KCNMA1: variants seen among roughly 807,000 people sequenced by gnomAD.
The protein encoded by KCNMA1 is Calcium-activated potassium channel subunit alpha-1.
Under a neutral mutation model 140.0 loss-of-function variants are expected in KCNMA1, and 29 were observed. The ratio of observed to expected loss-of-function variants is 0.21; its 90% confidence interval spans 0.15 to 0.28. KCNMA1 has a LOEUF of 0.28. Among genes scored for constraint, KCNMA1 ranks in the 10% least tolerant of loss-of-function variants. KCNMA1 has a pLI of 1.00. For synonymous variants in KCNMA1, 612 were observed against 611.9 expected, an observed-to-expected ratio of 1.00 and a Z score of 0.00; for missense variants, 880 against 1,602.2, an observed-to-expected ratio of 0.55 and a Z score of 7.70.
chr10:77,261,708 AG>A (rs1300116787), intron 2 of KCNMA1, among the ~76,000 whole-genome samples: 6 of 152,212 alleles, frequency 3.9e-5, no homozygotes, highest in Admixed American at 1.3e-4. Context: ...AAAACTTAAA[AG>A]GTTGCTTTTT....
At chr10:77,067,875 C>T (rs1333654980) in intron 14 of KCNMA1, among the ~76,000 whole-genome samples, 1 of 152,186 alleles carries the variant, frequency 6.6e-6, no homozygotes, top group East Asian at 1.9e-4. Flanking sequence ...CCTAAGGATG[C>T]TGATGGGATT....
intron 1 of KCNMA1, among the ~76,000 whole-genome samples, chr10:77,593,617 T>C (rs1381882378): frequency 6.6e-6 from 1 of 152,184 alleles, no homozygotes; most frequent in Non-Finnish European, 1.5e-5. Context: ...GTGATCCTCA[T>C]AAGAACCCAG....
chr10:77,433,619 AT>A (rs1391182656), intron 1 of KCNMA1: 4 of 152,230 alleles, frequency 2.6e-5, no homozygotes, highest in Non-Finnish European at 1.5e-5. Flanking sequence ...TAGAATCATA[AT>A]TTCTGTAGAA....
chr10:77,154,231 A>G (rs1384274084), intron 5 of KCNMA1, among the ~76,000 whole-genome samples: 3 of 152,030 alleles, frequency 2.0e-5, no homozygotes, highest in African/African-American at 7.2e-5. Flanking sequence ...AAGTTTCCTG[A>G]GGCCTCCCCA....
intron 2 of KCNMA1, among the ~76,000 whole-genome samples, chr10:77,363,570 T>C (rs1412765755): frequency 6.6e-6 from 1 of 152,250 alleles, no homozygotes; most frequent in East Asian, 1.9e-4. Flanking sequence ...AACACTTCCA[T>C]GGTGCCTATG....
intron 19 of KCNMA1, among the ~76,000 whole-genome samples, chr10:76,990,929 G>A (rs535291130): frequency 6.6e-6 from 1 of 152,282 alleles, no homozygotes; most frequent in Non-Finnish European, 1.5e-5. Flanking sequence ...CAGAATAATG[G>A]CTCCTAATAG....
chr10:77,135,012 A>AAAAAAAAAAAAAAAAAAAAAAAAG, intron 5 of KCNMA1, among the ~76,000 whole-genome samples: 2 of 144,478 alleles, frequency 1.4e-5, no homozygotes, highest in Admixed American at 7.0e-5. Context: ...AAAAAAAAAA[A>AAAAAAAAAAAAAAAAAAAAAAAAG]AAAAAAAAAA....
At chr10:76,924,252 C>T (rs1345725464) in intron 23 of KCNMA1, among the ~76,000 whole-genome samples, 1 of 151,972 alleles carries the variant, frequency 6.6e-6, no homozygotes, top group African/African-American at 2.4e-5. Context: ...AAAAATAATG[C>T]AGAAAAACAT....
At chr10:76,948,783 A>G (rs941451726) in intron 22 of KCNMA1, among the ~76,000 whole-genome samples, 2 of 152,238 alleles carry the variant, frequency 1.3e-5, no homozygotes, top group Non-Finnish European at 2.9e-5. Flanking sequence ...TGCCATAAGT[A>G]TAATGCTATA....
At chr10:77,338,848 A>G (rs561655965) in intron 2 of KCNMA1, among the ~76,000 whole-genome samples, 1 of 152,276 alleles carries the variant, frequency 6.6e-6, no homozygotes, top group South Asian at 2.1e-4. Context: ...GGTGCCAAAT[A>G]CCTAACAGGT....
chr10:77,222,201 G>A (rs183575369), intron 3 of KCNMA1, among the ~76,000 whole-genome samples: 22 of 152,276 alleles, frequency 1.4e-4, no homozygotes, highest in Non-Finnish European at 1.0e-4. Flanking sequence ...TAAAGATGAA[G>A]GTCACTGTAC....
At chr10:77,001,683 G>T in intron 18 of KCNMA1, 103 bp from the exon 19 acceptor site, 1 of 896,006 alleles carries the variant, frequency 1.1e-6, no homozygotes, top group Admixed American at 2.4e-5. Context: ...TTTAACACAG[G>T]TCTTAGTTCA....
intron 1 of KCNMA1, among the ~76,000 whole-genome samples, chr10:77,554,597 CAAAAAAAAAA>C (rs59754706): frequency 1.2e-5 from 1 of 84,100 alleles, no homozygotes; most frequent in Non-Finnish European, 2.4e-5. Flanking sequence ...TACTCCATCT[CAAAAAAAAAA>C]AAAAAAAAAA....
intron 2 of KCNMA1, among the ~76,000 whole-genome samples, chr10:77,308,599 G>A (rs1291334620): frequency 3.3e-5 from 5 of 152,152 alleles, no homozygotes; most frequent in Admixed American, 6.5e-5. Flanking sequence ...TCCAGCTGCC[G>A]CCTTGTCAGG....
At chr10:77,422,109 C>T (rs945723169) in intron 1 of KCNMA1, among the ~76,000 whole-genome samples, 12 of 152,246 alleles carry the variant, frequency 7.9e-5, no homozygotes, top group Non-Finnish European at 1.8e-4. Context: ...TGCCCACACT[C>T]ATTTTGACCA....
intron 2 of KCNMA1, among the ~76,000 whole-genome samples, chr10:77,295,432 C>T (rs1239978474): frequency 4.6e-5 from 7 of 151,762 alleles, no homozygotes; most frequent in Admixed American, 6.6e-5. Context: ...TATGTGTGCA[C>T]ATACGCTTGT....
rs138063626 is a variant in KCNMA1, at chr10:77,022,998, T to C, written c.1929-3899A>G. 36 of 452,914 alleles carry C rather than the reference T, an allele frequency of 7.9e-5. No individual in the cohort carries two copies. The East Asian group carries it at 2.5e-3, about 32-fold the overall frequency. The allele number at this position is 452,914 out of a possible 1,614,324, so 28.1% of individuals were successfully genotyped here. On this transcript the variant is annotated intron_variant, in intron 16 of 27. Coordinates refer to ENST00000286628, the MANE Select transcript of KCNMA1 (RefSeq NM_001161352.2). The stretch of plus-strand genomic sequence containing the variant: ...GCAAAACTTCAAAGAGAAATATGGG[T>C]TCCTAGACATAAAACACATCTACGT...
At chr10:77,153,384 T>G (rs892534129) in intron 5 of KCNMA1, among the ~76,000 whole-genome samples, 4 of 152,152 alleles carry the variant, frequency 2.6e-5, no homozygotes, top group African/African-American at 9.7e-5. Flanking sequence ...TTTCTTTTTG[T>G]TTTTTGAGAC....
chr10:76,977,737 C>G (rs1185501666), intron 19 of KCNMA1: 8 of 672,796 alleles, frequency 1.2e-5, no homozygotes, highest in Admixed American at 1.1e-4. Context: ...CTTAGTGACT[C>G]TACTGTCCCT....
Sources: gnomAD v4.1 joint callset for allele counts (sites outside exome capture counted in the v4.1 genomes callset) on GRCh38, gnomAD v4.1.1 for gene constraint, MANE v1.5 for transcripts, NCBI Gene and HGNC (gene_info 2026-07-23, HGNC 2026-07-21) for gene names.